The following RBFOX1 variants were observed in gnomAD, a reference collection of about 807,000 sequenced individuals.
RBFOX1 encodes the protein RNA binding fox-1 homolog 1, also known as RNA binding protein fox-1 homolog 1.
RBFOX1 carries 8 observed loss-of-function variants against 57.7 expected under a neutral mutation model. The ratio of observed to expected loss-of-function variants is 0.14; its 90% CI spans 0.08 to 0.25. RBFOX1 has a LOEUF of 0.25. Among genes scored for constraint, RBFOX1 ranks in the 10% least tolerant of loss-of-function variants. The pLI is 1.00. For missense variants in RBFOX1, 611 were observed against 548.5 expected (o/e 1.11, Z -1.14); for synonymous variants, 326 against 222.4 (o/e 1.47, Z -4.15).
At chr16:7,155,129 T>C (rs543581137) in intron 4 of RBFOX1, among the ~76,000 whole-genome samples, 9 of 152,310 alleles carry the variant, frequency 5.9e-5, no homozygotes, top group East Asian at 3.9e-4. Flanking sequence ...GATAAACAAC[T>C]GTTATCAGCC....
chr16:6,244,375 G>A (rs1472923011), intron 1 of RBFOX1, among the ~76,000 whole-genome samples: 2 of 152,110 alleles, frequency 1.3e-5, no homozygotes, highest in Admixed American at 1.3e-4. Flanking sequence ...TTGTTCCAGG[G>A]AGATCAGAGA....
chr16:6,627,852 A>G (rs2098330929), intron 2 of RBFOX1, among the ~76,000 whole-genome samples: 1 of 152,200 alleles, frequency 6.6e-6, no homozygotes, highest in Admixed American at 6.5e-5. Context: ...GTCTCAGTAC[A>G]AAAGGAGAAG....
At chr16:7,546,252 G>A (rs1287565319) in intron 5 of RBFOX1, among the ~76,000 whole-genome samples, 1 of 151,882 alleles carries the variant, frequency 6.6e-6, no homozygotes, top group South Asian at 2.1e-4. Flanking sequence ...GTTTGAACCC[G>A]GAGGGTGGAG....
At chr16:6,380,414 T>A (rs2091683955) in intron 2 of RBFOX1, among the ~76,000 whole-genome samples, 1 of 23,592 alleles carries the variant, frequency 4.2e-5, no homozygotes, top group African/African-American at 3.7e-4. Flanking sequence ...TTTTTTTTTT[T>A]TTTTTTTTTT....
intron 2 of RBFOX1, among the ~76,000 whole-genome samples, chr16:6,567,583 A>G (rs2097285100): frequency 6.6e-6 from 1 of 152,014 alleles, no homozygotes; most frequent in Non-Finnish European, 1.5e-5. Flanking sequence ...GCTTGTTCTC[A>G]GTCTCTGTCC....
At chr16:5,772,809 G>T (rs996348126) in intron 3 of RBFOX1, among the ~76,000 whole-genome samples, 3 of 152,170 alleles carry the variant, frequency 2.0e-5, no homozygotes, top group Admixed American at 6.5e-5. Context: ...TGGTGGAAAG[G>T]AATGAATAGT....
At chr16:6,206,114 G>C (rs1365919778) in intron 1 of RBFOX1, among the ~76,000 whole-genome samples, 1 of 152,064 alleles carries the variant, frequency 6.6e-6, no homozygotes, top group African/African-American at 2.4e-5. Flanking sequence ...TGTCTTTTAA[G>C]GCACAGGTCA....
At chr16:7,041,001 C>T (rs1041015835) in intron 3 of RBFOX1, among the ~76,000 whole-genome samples, 4 of 151,698 alleles carry the variant, frequency 2.6e-5, no homozygotes, top group East Asian at 1.9e-4. Context: ...TTGCAACGTC[C>T]ACCTCCTGGG....
At chr16:6,183,586 G>A (rs1471586358) in intron 1 of RBFOX1, among the ~76,000 whole-genome samples, 1 of 152,004 alleles carries the variant, frequency 6.6e-6, no homozygotes, top group Non-Finnish European at 1.5e-5. Context: ...TGAGAGAGGG[G>A]TCTGGGAATA....
At chr16:6,716,073 G>T (rs1280793782) in intron 3 of RBFOX1, among the ~76,000 whole-genome samples, 2 of 152,178 alleles carry the variant, frequency 1.3e-5, no homozygotes, top group Non-Finnish European at 2.9e-5. Context: ...GTACATGATG[G>T]CCCTGGTGAC....
intron 3 of RBFOX1, among the ~76,000 whole-genome samples, chr16:6,658,434 C>A (rs185793300): frequency 9.0e-4 from 137 of 152,056 alleles, no homozygotes; most frequent in Middle Eastern, 3.4e-3. Flanking sequence ...ATCTTGAACT[C>A]CTGACCTCGT....
intron 2 of RBFOX1, among the ~76,000 whole-genome samples, chr16:6,542,995 T>C (rs1390448239): frequency 6.6e-6 from 1 of 152,120 alleles, no homozygotes; most frequent in Non-Finnish European, 1.5e-5. Context: ...CTCTTTATCA[T>C]TCCTCCTCCT....
At chr16:6,957,811 C>A (rs1018931083) in intron 3 of RBFOX1, among the ~76,000 whole-genome samples, 1 of 152,130 alleles carries the variant, frequency 6.6e-6, no homozygotes, top group South Asian at 2.1e-4. Context: ...AGGCATCTCT[C>A]TTTTCACACA....
chr16:6,931,448 A>T (rs926037822), intron 3 of RBFOX1, among the ~76,000 whole-genome samples: 3 of 152,050 alleles, frequency 2.0e-5, no homozygotes, highest in Admixed American at 6.6e-5. Flanking sequence ...GCTGCCTTGG[A>T]CCAGCATCTC....
At chr16:5,393,508 C>T (rs1443885571) in intron 1 of RBFOX1, among the ~76,000 whole-genome samples, 1 of 152,082 alleles carries the variant, frequency 6.6e-6, no homozygotes, top group Non-Finnish European at 1.5e-5. Flanking sequence ...CCAGGGACAT[C>T]CATTAGACTG....
intron 2 of RBFOX1, among the ~76,000 whole-genome samples, chr16:6,528,153 G>C (rs139118013): frequency 6.6e-6 from 1 of 151,984 alleles, no homozygotes; most frequent in Non-Finnish European, 1.5e-5. Flanking sequence ...CCTTGATTCT[G>C]TTATCTTTGT....
At chr16:6,733,175 C>G (rs568571343) in intron 3 of RBFOX1, among the ~76,000 whole-genome samples, 1 of 152,270 alleles carries the variant, frequency 6.6e-6, no homozygotes, top group East Asian at 1.9e-4. Context: ...CCTCATCTCC[C>G]ATAGGTCATT....
intron 4 of RBFOX1, among the ~76,000 whole-genome samples, chr16:5,985,260 G>T (rs2060264047): frequency 6.6e-6 from 1 of 151,768 alleles, no homozygotes; most frequent in South Asian, 2.1e-4. Context: ...CCAAAGTGGT[G>T]GGATTACAGG....
At chr16:6,398,053 T>TA (rs2092912583) in intron 2 of RBFOX1, among the ~76,000 whole-genome samples, 1 of 152,088 alleles carries the variant, frequency 6.6e-6, no homozygotes, top group Non-Finnish European at 1.5e-5. Flanking sequence ...TCAGGAAACT[T>TA]ACAATTATGG....
Sources: allele counts gnomAD v4.1 joint callset (sites outside exome capture counted in the v4.1 genomes callset), GRCh38; gene constraint gnomAD v4.1.1; transcripts MANE v1.5; gene names NCBI Gene and HGNC (gene_info 2026-07-23, HGNC 2026-07-21).